The following SORL1 variants were observed in gnomAD, a reference collection of about 807,000 sequenced individuals.
The protein encoded by SORL1 is sortilin-related receptor.
A neutral mutation model predicts 273.7 loss-of-function variants in SORL1; 127 were observed. The observed-to-expected ratio is 0.46, with a 90% CI of 0.40 to 0.54. The LOEUF (loss-of-function observed/expected upper bound fraction) is 0.54. Ranked by LOEUF, SORL1 falls within the 20% of genes least tolerant of loss-of-function variation. The pLI is 0.00. For missense variants in SORL1, 2,494 were observed against 2,846.1 expected, an observed-to-expected ratio of 0.88 and a Z score of 2.81; for synonymous variants, 1,031 against 1,067.4, an observed-to-expected ratio of 0.97 and a Z score of 0.66.
Position 121,567,231 on chromosome 11 carries a change from A to T in SORL1, c.3223+118A>T, listed in dbSNP as rs1388084575. 3.3e-6 allele frequency: 3 copies of T among 922,114 alleles called. No individual in the cohort carries two copies. The East Asian group carries it at 7.7e-5, about 24-fold the overall frequency. The allele number at this position is 922,114 out of a possible 1,614,324, so 57.1% of individuals were successfully genotyped here. On this transcript the variant is annotated intron_variant, in intron 22 of 47. Coordinates refer to ENST00000260197, the MANE Select transcript of SORL1 (RefSeq NM_003105.6). ...CTTTTCGTGTTATTGGAAAAAGTCCAAGGTAAAAATCAAACCTACCAGATA... is the reference window on the plus strand; with the variant it reads ...CTTTTCGTGTTATTGGAAAAAGTCCTAGGTAAAAATCAAACCTACCAGATA...
intron 6 of SORL1, among the ~76,000 whole-genome samples, chr11:121,512,477 G>A (rs1285065800): frequency 1.3e-5 from 2 of 152,186 alleles, no homozygotes; most frequent in African/African-American, 4.8e-5. Flanking sequence ...ATTCAGAGAT[G>A]GAAAACCAGA....
At chr11:121,478,501 C>T (rs1310187571) in intron 3 of SORL1, among the ~76,000 whole-genome samples, 1 of 152,228 alleles carries the variant, frequency 6.6e-6, no homozygotes, top group Non-Finnish European at 1.5e-5. Flanking sequence ...CACAGAAAAT[C>T]AGCCAACTCT....
intron 14 of SORL1, among the ~76,000 whole-genome samples, chr11:121,547,568 T>A (rs1862452002): frequency 6.6e-6 from 1 of 151,824 alleles, no homozygotes; most frequent in Non-Finnish European, 1.5e-5. Context: ...CTCACCCTGC[T>A]TGTATGTGGA....
intron 1 of SORL1, among the ~76,000 whole-genome samples, chr11:121,463,184 G>A (rs1482949402): frequency 1.3e-5 from 2 of 152,162 alleles, no homozygotes; most frequent in Non-Finnish European, 2.9e-5. Flanking sequence ...CTGTCTCTGA[G>A]CTTAATCTCA....
intron 12 of SORL1, among the ~76,000 whole-genome samples, chr11:121,533,197 A>G (rs1421238594): frequency 6.6e-6 from 1 of 152,206 alleles, no homozygotes; most frequent in African/African-American, 2.4e-5. Context: ...TAACAATTAC[A>G]GAATGCATAC....
chr11:121,617,365 A>G (rs1479542241), intron 41 of SORL1, among the ~76,000 whole-genome samples: 1 of 152,232 alleles, frequency 6.6e-6, no homozygotes, highest in Admixed American at 6.5e-5. Flanking sequence ...TTGTCTCATA[A>G]TGTTATGCCA....
At chr11:121,546,738 C>G (rs1156255833) in intron 14 of SORL1, 1 of 152,218 alleles carries the variant, frequency 6.6e-6, no homozygotes, top group Non-Finnish European at 1.5e-5. Flanking sequence ...GAAAGCAGCT[C>G]TAGAGGAATG....
At chr11:121,572,524 G>C (rs993103202) in intron 23 of SORL1, among the ~76,000 whole-genome samples, 12 of 152,216 alleles carry the variant, frequency 7.9e-5, no homozygotes, top group African/African-American at 2.9e-4. Context: ...CAGAGACTGG[G>C]AGTCAAGAGA....
intron 2 of SORL1, among the ~76,000 whole-genome samples, chr11:121,475,750 C>T (rs1224179873): frequency 1.3e-5 from 2 of 152,210 alleles, no homozygotes; most frequent in African/African-American, 4.8e-5. Flanking sequence ...AGTTTTGTCT[C>T]TTACTAGCGG....
At chr11:121,538,809 G>C (rs1862305705) in intron 12 of SORL1, among the ~76,000 whole-genome samples, 1 of 152,104 alleles carries the variant, frequency 6.6e-6, no homozygotes, top group Non-Finnish European at 1.5e-5. Context: ...CTCCCGAGTA[G>C]CTGGGATTAC....
At chr11:121,466,791 T>G (rs1353103951) in intron 1 of SORL1, among the ~76,000 whole-genome samples, 1 of 152,030 alleles carries the variant, frequency 6.6e-6, no homozygotes, top group Non-Finnish European at 1.5e-5. Flanking sequence ...AGGATGTGCC[T>G]GACATCTCGC....
At chr11:121,555,878 G>A (rs1862574771) in intron 18 of SORL1, among the ~76,000 whole-genome samples, 1 of 152,016 alleles carries the variant, frequency 6.6e-6, no homozygotes, top group Non-Finnish European at 1.5e-5. Context: ...TCTTTGTCTG[G>A]GGGAATGTAG....
intron 26 of SORL1, among the ~76,000 whole-genome samples, chr11:121,585,211 T>G (rs1863076216): frequency 6.6e-6 from 1 of 152,176 alleles, no homozygotes; most frequent in South Asian, 2.1e-4. Context: ...AGATCAGGTA[T>G]GGTGGCTCAC....
intron 1 of SORL1, among the ~76,000 whole-genome samples, chr11:121,462,611 G>A (rs1861018187): frequency 6.6e-6 from 1 of 152,140 alleles, no homozygotes; most frequent in African/African-American, 2.4e-5. Context: ...TTGAGACAGG[G>A]TCTAGCTCTG....
intron 31 of SORL1, among the ~76,000 whole-genome samples, chr11:121,594,745 T>C (rs1863268937): frequency 6.6e-6 from 1 of 152,202 alleles, no homozygotes; most frequent in South Asian, 2.1e-4. Flanking sequence ...TTTTCTCAGA[T>C]AGTTCTTGGT....
At chr11:121,513,510 A>C (rs1339808091) in intron 7 of SORL1, among the ~76,000 whole-genome samples, 2 of 152,192 alleles carry the variant, frequency 1.3e-5, no homozygotes, top group Admixed American at 1.3e-4. Flanking sequence ...CAGGCTGGAG[A>C]GACTAAAAAC....
In SORL1 at chr11:121,496,936, A is replaced by G. The variant is rs768677055; in HGVS notation, c.826A>G (p.Thr276Ala). Residue 276 changes from threonine (T) to alanine (A), a missense_variant, in exon 6 of 48, where the codon ACT (threonine) becomes GCT (alanine). Physicochemically the swap from Thr to Ala is moderately conservative, Grantham distance 58. Coordinates refer to ENST00000260197, the MANE Select transcript of SORL1 (RefSeq NM_003105.6). The part of the protein sequence containing the change: ...IERHEPSGYS[T>A]VFRSTDFFQS... ...ACGACATGAACCCTCTGGCTACTCC[A>G]CTGTCTTCCGAAGTACAGATTTCTT... 1 of 1,613,606 alleles carries G rather than the reference A, an allele frequency of 6.2e-7. No individual in the cohort carries two copies. The highest frequency in any genetic ancestry group is 8.5e-7 in the Non-Finnish European group (1 of 1,179,890).
Position 121,627,401 on chromosome 11 carries a change from A to T in SORL1, c.6365-154A>T. ...GCAAGTAGTGGGGAAGCAATCAGGC[A>T]TCACGCACATGCAGAAACGTCTCAC... On this transcript the variant is annotated intron_variant, in intron 46 of 47. Transcript: ENST00000260197. This position sits in a 1 kb window ranked among gnomAD's most constrained non-coding sequence, Gnocchi z 4.9. 1.5e-6 allele frequency: 1 copy of T among 651,412 alleles called. No homozygotes were observed. Among genetic ancestry groups the T allele is most frequent in the Non-Finnish European group, 2.7e-6 (1 of 366,404 alleles). 40.4% of individuals were successfully genotyped at this position (651,412 alleles called of 1,614,324 possible).
chr11:121,619,612 T>A, intron 42 of SORL1, 141 bp from the exon 43 acceptor site: 1 of 720,760 alleles, frequency 1.4e-6, no homozygotes, highest in Admixed American at 3.0e-5. Context: ...TTGGGGTAGG[T>A]GGGAAATTAT....
Sources: allele counts gnomAD v4.1 joint callset (sites outside exome capture counted in the v4.1 genomes callset), GRCh38; gene constraint gnomAD v4.1.1; non-coding constraint Gnocchi (gnomAD v3.1); transcripts MANE v1.5; gene names NCBI Gene and HGNC (gene_info 2026-07-23, HGNC 2026-07-21).